The following GAREM1 variants were observed in gnomAD, a reference collection of about 807,000 sequenced individuals.
The protein encoded by GAREM1 is GRB2 associated regulator of MAPK1 subtype 1.
GAREM1 carries 26 observed loss-of-function variants against 71.3 expected under a neutral mutation model. That is an observed-to-expected ratio of 0.36 (90% CI 0.27 to 0.51). The LOEUF is 0.51. Among genes scored for constraint, GAREM1 ranks in the 20% least tolerant of loss-of-function variants. The probability of loss-of-function intolerance (pLI) is 0.95; values close to 1 mark genes in which losing one functional copy is unlikely to be tolerated. For synonymous variants in GAREM1, 440 were observed against 433.2 expected, an observed-to-expected ratio of 1.02 and a Z score of -0.20; for missense variants, 1,026 against 1,103.1, an observed-to-expected ratio of 0.93 and a Z score of 0.99.
At chr18:32,389,047 T>C (rs577014426) in intron 2 of GAREM1, among the ~76,000 whole-genome samples, 3 of 152,312 alleles carry the variant, frequency 2.0e-5, no homozygotes, top group Admixed American at 2.0e-4. Flanking sequence ...TCTGTATTTG[T>C]ATGTGCATTT....
intron 1 of GAREM1, among the ~76,000 whole-genome samples, chr18:32,436,683 T>A (rs8093474): frequency 0.25 from 37,497 of 152,056 alleles, 5,713 homozygotes; most frequent in African/African-American, 0.42. Context: ...ATTTTATTTT[T>A]AAATTAAAGG....
At chr18:32,454,630 C>G (rs2048870640) in intron 1 of GAREM1, among the ~76,000 whole-genome samples, 1 of 152,160 alleles carries the variant, frequency 6.6e-6, no homozygotes, top group South Asian at 2.1e-4. Context: ...GACATATTCT[C>G]ATATTCTGGG....
intron 1 of GAREM1, among the ~76,000 whole-genome samples, chr18:32,458,461 T>C (rs2048918614): frequency 6.6e-6 from 1 of 152,072 alleles, no homozygotes; most frequent in South Asian, 2.1e-4. Flanking sequence ...TTAAGAAAAG[T>C]AAATGAATCA....
intron 2 of GAREM1, among the ~76,000 whole-genome samples, chr18:32,390,135 C>A (rs2048182233): frequency 6.6e-6 from 1 of 152,294 alleles, no homozygotes; most frequent in Non-Finnish European, 1.5e-5. Context: ...CACACCACTG[C>A]ATTCTGGCCT....
In GAREM1 at chr18:32,444,761, C is replaced by T. The variant is rs116569503; in HGVS notation, c.121+25547G>A. On this transcript the variant is annotated intron_variant, in intron 1 of 5. Coordinates refer to ENST00000269209, the MANE Select transcript of GAREM1 (RefSeq NM_001242409.2). ...TAACCTAGTGCTAGCAAGTGAAAAACTCTCTATATCCCTTTTCCTATGGGC... is the reference window on the plus strand; with the variant it reads ...TAACCTAGTGCTAGCAAGTGAAAAATTCTCTATATCCCTTTTCCTATGGGC... Among the ~76,000 whole-genome samples the T allele has an allele frequency of 2.3e-3, 355 of 152,184 alleles. 1 individual carries two copies. The highest frequency in any genetic ancestry group is 8.2e-3 in the African/African-American group (341 of 41,506).
chr18:32,335,303 C>T (rs1370846197), intron 2 of GAREM1, among the ~76,000 whole-genome samples: 1 of 152,200 alleles, frequency 6.6e-6, no homozygotes, highest in African/African-American at 2.4e-5. Flanking sequence ...ATTCACCCTC[C>T]TCTTTTCTTG....
At position 32,265,044 on chromosome 18, in the gene GAREM1, G is replaced by A. The variant is rs1847592307; in HGVS notation, c.*2827C>T. The A allele has an allele frequency of 6.6e-6, 1 of 152,184 alleles. No individual in the cohort carries two copies. The highest frequency in any genetic ancestry group is 2.1e-4 in the South Asian group (1 of 4,816). The allele number at this position is 152,184 out of a possible 1,614,324, so 9.4% of individuals were successfully genotyped here. A position where few individuals can be genotyped will look rare whatever the true frequency, so the allele number is the denominator to read the frequency against. ...GAATCGCAGGGAAGGGCTGTGAAAGGGAAGGGCTTCTCGAAAGGGAAGGGC... is the reference window on the plus strand; with the variant it reads ...GAATCGCAGGGAAGGGCTGTGAAAGAGAAGGGCTTCTCGAAAGGGAAGGGC... On this transcript the variant is annotated 3_prime_UTR_variant, in exon 6 of 6. Transcript: ENST00000269209.
intron 1 of GAREM1, among the ~76,000 whole-genome samples, chr18:32,400,086 T>A (rs1344694925): frequency 6.6e-6 from 1 of 152,188 alleles, no homozygotes; most frequent in Non-Finnish European, 1.5e-5. Flanking sequence ...GATTCCCTAT[T>A]TAATAAATGG....
chr18:32,400,064 C>T (rs2048297698), intron 1 of GAREM1, among the ~76,000 whole-genome samples: 1 of 152,104 alleles, frequency 6.6e-6, no homozygotes, highest in African/African-American at 2.4e-5. Context: ...CAAAAACAAG[C>T]AATGGGGAAA....
chr18:32,295,711 A>G (rs1174205610), intron 3 of GAREM1, among the ~76,000 whole-genome samples: 1 of 152,234 alleles, frequency 6.6e-6, no homozygotes, highest in Non-Finnish European at 1.5e-5. Flanking sequence ...GTTGTTTCCA[A>G]TAGTGAAGTG....
chr18:32,376,791 T>C (rs760937532), intron 2 of GAREM1, among the ~76,000 whole-genome samples: 34 of 152,276 alleles, frequency 2.2e-4, no homozygotes, highest in Admixed American at 1.3e-4. Flanking sequence ...TGAGCCGAGA[T>C]TGCACCATTG....
intron 1 of GAREM1, among the ~76,000 whole-genome samples, chr18:32,417,207 G>T (rs2034650718): frequency 1.3e-5 from 2 of 152,078 alleles, no homozygotes; most frequent in African/African-American, 2.4e-5. Flanking sequence ...TTTTATCCAA[G>T]TCAGGCAGTA....
chr18:32,320,594 C>A (rs1285535436), intron 2 of GAREM1, among the ~76,000 whole-genome samples: 1 of 152,120 alleles, frequency 6.6e-6, no homozygotes. Flanking sequence ...TAATGAACTG[C>A]ACCATAGATA....
chr18:32,452,326 A>G (rs895487283), intron 1 of GAREM1, among the ~76,000 whole-genome samples: 1 of 152,132 alleles, frequency 6.6e-6, no homozygotes, highest in Non-Finnish European at 1.5e-5. Context: ...AAGAGCCACC[A>G]AGTTAGCCAG....
rs2144469402 is a variant in GAREM1 at position 32,288,096 on chromosome 18, T to C, written c.501A>G (p.Thr167=). Residue 167 remains threonine (T), a synonymous_variant, in exon 4 of 6, where the codon ACA becomes ACG. Coordinates refer to ENST00000269209, the MANE Select transcript of GAREM1 (RefSeq NM_001242409.2). ...TGTTGAGTCGTGACTTTTCCTTGAA[T>C]GTCTTTGCATAAAGGATTTCTGCCT... ...MGQAEILYAK[T]FKEKSRLNTI... 1.9e-6 allele frequency: 3 copies of C among 1,614,196 alleles called. No individual in the cohort carries two copies. The highest frequency in any genetic ancestry group is 1.7e-6 in the Non-Finnish European group (2 of 1,180,012).
intron 3 of GAREM1, among the ~76,000 whole-genome samples, chr18:32,298,428 C>T (rs2047164626): frequency 6.6e-6 from 1 of 151,314 alleles, no homozygotes; most frequent in Admixed American, 6.6e-5. Flanking sequence ...GCAAAAGAAA[C>T]AATGCATTCT....
At chr18:32,468,104 A>G (rs2049015482) in intron 1 of GAREM1, among the ~76,000 whole-genome samples, 1 of 152,230 alleles carries the variant, frequency 6.6e-6, no homozygotes, top group Admixed American at 6.5e-5. Context: ...GATTTCCTTT[A>G]GTCTCTAAAG....
At position 32,436,316 on chromosome 18, in the gene GAREM1, G is replaced by C. The variant is rs77300298; in HGVS notation, c.121+33992C>G. ...GTTAAAGGGAAACAGGCAGAACATAGAGCCATTACAGTCACACTCTTGAGA... is the reference window on the plus strand; with the variant it reads ...GTTAAAGGGAAACAGGCAGAACATACAGCCATTACAGTCACACTCTTGAGA... On this transcript the variant is annotated intron_variant, in intron 1 of 5. Coordinates refer to ENST00000269209, the MANE Select transcript of GAREM1 (RefSeq NM_001242409.2). 6.1e-3 allele frequency among the ~76,000 whole-genome samples: 931 copies of C among 152,214 alleles called. 9 individuals carry two copies. Among genetic ancestry groups the C allele is most frequent in the African/African-American group, 0.021 (867 of 41,530 alleles).
chr18:32,304,956 A>T (rs371309478), intron 3 of GAREM1, among the ~76,000 whole-genome samples: 27 of 152,326 alleles, frequency 1.8e-4, no homozygotes, highest in African/African-American at 6.3e-4. Context: ...ACTCAGAAAG[A>T]GGACATCTTC....
Sources: gnomAD v4.1 joint callset for allele counts (sites outside exome capture counted in the v4.1 genomes callset) on GRCh38, gnomAD v4.1.1 for gene constraint, MANE v1.5 for transcripts, NCBI Gene and HGNC (gene_info 2026-07-23, HGNC 2026-07-21) for gene names.